The following NR6A1 variants were observed in gnomAD, a reference collection of about 807,000 sequenced individuals.
The protein encoded by NR6A1 is retinoic acid receptor-related testis-associated receptor.
A neutral mutation model predicts 59.1 loss-of-function variants in NR6A1; 7 were observed. The ratio of observed to expected loss-of-function variants is 0.12; its 90% confidence interval spans 0.07 to 0.22. NR6A1 has a LOEUF of 0.22. Ranked by LOEUF, NR6A1 falls within the 10% of genes least tolerant of loss-of-function variation. The pLI, the probability that NR6A1 is intolerant of heterozygous loss-of-function variation, is 1.00. For synonymous variants in NR6A1, 243 were observed against 236.1 expected (o/e 1.03, Z -0.27); for missense variants, 468 against 611.6 (o/e 0.77, Z 2.48).
intron 1 of NR6A1, among the ~76,000 whole-genome samples, chr9:124,764,369 T>C (rs890362605): frequency 2.0e-5 from 3 of 152,178 alleles, no homozygotes; most frequent in African/African-American, 7.2e-5. Context: ...ATCTCTTTTT[T>C]TCATCAGTGT....
intron 2 of NR6A1, among the ~76,000 whole-genome samples, chr9:124,715,228 A>G (rs1228746881): frequency 6.6e-6 from 1 of 151,090 alleles, no homozygotes. Flanking sequence ...AAGACTCAAG[A>G]CTCAATATTA....
At chr9:124,583,276 G>C (rs1372228811) in intron 2 of NR6A1, among the ~76,000 whole-genome samples, 2 of 152,070 alleles carry the variant, frequency 1.3e-5, no homozygotes, top group Admixed American at 1.3e-4. Context: ...TTTCTGTTGG[G>C]AACACTCCCC....
chr9:124,736,498 C>T (rs1840023664), intron 1 of NR6A1, among the ~76,000 whole-genome samples: 1 of 152,196 alleles, frequency 6.6e-6, no homozygotes, highest in Non-Finnish European at 1.5e-5. Context: ...TTGACCCTAA[C>T]TTTGTTGTAA....
chr9:124,562,812 C>T (rs1834119197), intron 2 of NR6A1, among the ~76,000 whole-genome samples: 1 of 152,126 alleles, frequency 6.6e-6, no homozygotes, highest in Non-Finnish European at 1.5e-5. Context: ...AGATTAGTAA[C>T]AATCTGAACC....
chr9:124,611,628 A>C (rs1353754562), intron 2 of NR6A1, among the ~76,000 whole-genome samples: 1 of 152,030 alleles, frequency 6.6e-6, no homozygotes, highest in Non-Finnish European at 1.5e-5. Flanking sequence ...ACATGCCTGT[A>C]ATCCTAGCTA....
At chr9:124,758,915 G>C (rs1049747701) in intron 1 of NR6A1, among the ~76,000 whole-genome samples, 1 of 152,042 alleles carries the variant, frequency 6.6e-6, no homozygotes, top group African/African-American at 2.4e-5. Flanking sequence ...CATAAACCTG[G>C]AAAATCCTTT....
At chr9:124,579,578 T>C (rs769131640) in intron 2 of NR6A1, among the ~76,000 whole-genome samples, 1 of 151,738 alleles carries the variant, frequency 6.6e-6, no homozygotes, top group Non-Finnish European at 1.5e-5. Flanking sequence ...AACTACATGT[T>C]AGAATGGCTA....
intron 2 of NR6A1, among the ~76,000 whole-genome samples, chr9:124,679,766 G>T (rs143257052): frequency 6.6e-6 from 1 of 151,716 alleles, no homozygotes; most frequent in African/African-American, 2.4e-5. Context: ...TCATGGTGGC[G>T]AATGCCTTTA....
intron 6 of NR6A1, among the ~76,000 whole-genome samples, chr9:124,537,383 G>A (rs556537101): frequency 3.9e-5 from 6 of 152,224 alleles, no homozygotes; most frequent in Non-Finnish European, 7.4e-5. Flanking sequence ...CACCACGCCC[G>A]GCTTCCTACA....
At chr9:124,599,599 G>A in intron 2 of NR6A1, 1 of 1,166,490 alleles carries the variant, frequency 8.6e-7, no homozygotes, top group Admixed American at 4.0e-5. Context: ...GGCGGCGGCG[G>A]CCGCTCGGCT....
Position 124,554,179 on chromosome 9 carries a change from T to A in NR6A1, c.385+149A>T. The A allele has an allele frequency of 4.1e-6, 5 of 1,213,716 alleles. No homozygotes were observed. In the Admixed American group the frequency reaches 1.1e-4, roughly 26 times the overall value. 75.2% of individuals were successfully genotyped at this position (1,213,716 alleles called of 1,614,324 possible). On this transcript the variant is annotated intron_variant, in intron 3 of 9. Transcript: ENST00000487099. ...CCCCACCTAGTTTAGGAAGGTCTTATAGGCAAGAATGGTTCATTTTTGGTT... is the reference window on the plus strand; with the variant it reads ...CCCCACCTAGTTTAGGAAGGTCTTAAAGGCAAGAATGGTTCATTTTTGGTT...
chr9:124,604,716 G>A (rs1229134860), intron 2 of NR6A1, among the ~76,000 whole-genome samples: 1 of 152,080 alleles, frequency 6.6e-6, no homozygotes, highest in Non-Finnish European at 1.5e-5. Context: ...AGGCTGAGAT[G>A]GGAGGATTGC....
chr9:124,591,964 T>C (rs1239823322), intron 2 of NR6A1, among the ~76,000 whole-genome samples: 1 of 152,172 alleles, frequency 6.6e-6, no homozygotes, highest in African/African-American at 2.4e-5. Flanking sequence ...AAAAAGAAGA[T>C]TCTTGCAAAT....
intron 4 of NR6A1, 145 bp from the exon 5 acceptor site, chr9:124,540,332 A>G: frequency 1.1e-6 from 1 of 870,562 alleles, no homozygotes; most frequent in Non-Finnish European, 1.7e-6. Context: ...CCTCTCACTA[A>G]TCTTAGGACG....
chr9:124,764,652 TCAAG>T (rs1181917594), intron 1 of NR6A1, among the ~76,000 whole-genome samples: 2 of 152,236 alleles, frequency 1.3e-5, no homozygotes, highest in Non-Finnish European at 2.9e-5. Flanking sequence ...AAATAGTTGT[TCAAG>T]CAAATATCTG....
chr9:124,703,454 C>G (rs1344203117), intron 2 of NR6A1, among the ~76,000 whole-genome samples: 1 of 151,936 alleles, frequency 6.6e-6, no homozygotes, highest in South Asian at 2.1e-4. Flanking sequence ...GCAATCCTCC[C>G]ACCTCAGCCT....
chr9:124,579,055 G>T (rs891288391), intron 2 of NR6A1, among the ~76,000 whole-genome samples: 1 of 152,226 alleles, frequency 6.6e-6, no homozygotes, highest in East Asian at 1.9e-4. Context: ...TCTGAGACAG[G>T]TGGATTGCTT....
chr9:124,564,135 AG>A, intron 2 of NR6A1, among the ~76,000 whole-genome samples: 1 of 152,334 alleles, frequency 6.6e-6, no homozygotes, highest in East Asian at 1.9e-4. Flanking sequence ...AGCTATAAAT[AG>A]TGCTTTAATT....
At chr9:124,681,709 G>C (rs1838166486) in intron 2 of NR6A1, among the ~76,000 whole-genome samples, 1 of 152,014 alleles carries the variant, frequency 6.6e-6, no homozygotes, top group Non-Finnish European at 1.5e-5. Context: ...AGCTTCACAG[G>C]TTCCAAATAT....
Sources: allele counts gnomAD v4.1 joint callset (sites outside exome capture counted in the v4.1 genomes callset), GRCh38; gene constraint gnomAD v4.1.1; transcripts MANE v1.5; gene names NCBI Gene and HGNC (gene_info 2026-07-23, HGNC 2026-07-21).